Variants in KIR3DL2 observed in about 807,000 individuals in gnomAD.
KIR3DL2 encodes the protein killer cell immunoglobulin like receptor, three Ig domains and long cytoplasmic tail 2, also known as killer cell immunoglobulin-like receptor 3DL2.
In KIR3DL2, 42 loss-of-function variants were observed where a neutral mutation model predicts 41.6. The ratio of observed to expected loss-of-function variants is 1.01; its 90% CI spans 0.79 to 1.31. The LOEUF (loss-of-function observed/expected upper bound fraction) is 1.31. Among genes scored for constraint, KIR3DL2 ranks in the 50% most tolerant of loss-of-function variants. The pLI is 0.00. For synonymous variants in KIR3DL2, 230 were observed against 221.3 expected, an observed-to-expected ratio of 1.04 and a Z score of -0.35; for missense variants, 728 against 576.8, an observed-to-expected ratio of 1.26 and a Z score of -2.68.
In KIR3DL2 at chr19:54,866,420, C is replaced by G. The variant is rs973541788; in HGVS notation, c.1156C>G (p.Gln386Glu). The change falls in exon 8 of 9, where the codon CAG (glutamine) becomes GAG (glutamate). Residue 386 changes from glutamine (Q) to glutamate (E), a missense_variant and splice_region_variant. Gln to Glu is a conservative substitution (Grantham distance 29). Transcript: ENST00000326321. ...TGCGGGGGACAGAACAGTGAATAGG[C>G]AGGTAGGTCCTCCTCGGCCCAGCCT... ...EPAGDRTVNRQDSDEQDPQEV... is the reference protein window; with the variant it reads ...EPAGDRTVNREDSDEQDPQEV... The G allele has an allele frequency of 6.2e-7, 1 of 1,613,716 alleles. No homozygotes were observed. The highest frequency in any genetic ancestry group is 2.2e-5 in the East Asian group (1 of 44,878).
chr19:54,854,025 C>G lies in KIR3DL2; in HGVS notation c.634C>G (p.Pro212Ala). ...CTATCAGTTGTCAGCTCCCAGTGAC[C>G]CCCTGGACATCGTGATCACAGGTGA... ...SPYQLSAPSD[P>A]LDIVITGLYE... Residue 212 changes from proline (P) to alanine (A), a missense_variant, in exon 4 of 9, where the codon CCC (proline) becomes GCC (alanine). Transcript: ENST00000326321. 1.9e-6 allele frequency: 3 copies of G among 1,613,030 alleles called. No homozygotes were observed. The East Asian group carries it at 6.7e-5, about 36-fold the overall frequency.
intron 4 of KIR3DL2, among the ~76,000 whole-genome samples, chr19:54,854,428 C>A (rs1297951045): frequency 6.6e-6 from 1 of 151,880 alleles, no homozygotes; most frequent in East Asian, 1.9e-4. Context: ...CCAAGGACAC[C>A]CATATTTCTG....
intron 6 of KIR3DL2, among the ~76,000 whole-genome samples, chr19:54,863,895 C>T (rs1460220593): frequency 9.9e-5 from 15 of 152,062 alleles, no homozygotes; most frequent in Non-Finnish European, 1.6e-4. Flanking sequence ...CTTTTGTTGC[C>T]GTTGCTTTTG....
Position 54,851,246 on chromosome 19 carries a change from C to CT in KIR3DL2, c.61_62insT (p.Pro21LeufsTer36). On this transcript the variant is annotated frameshift_variant, in exon 2 of 9. Transcript: ENST00000326321. LOFTEE classifies it high-confidence loss of function. Reference sequence around the variant, plus strand: ...GTTCTTCTTGCTGCAGGGGGCCTGGCCACTCATGGGTGAGTCCGTCCCCAA... The same window carrying CT: ...GTTCTTCTTGCTGCAGGGGGCCTGGCTCACTCATGGGTGAGTCCGTCCCCAA... The CT allele has an allele frequency of 6.2e-7, 1 of 1,609,168 alleles. No homozygotes were observed. The highest frequency in any genetic ancestry group is 1.1e-5 in the South Asian group (1 of 91,006).
chr19:54,866,553 C>T lies in KIR3DL2; in HGVS notation c.1190C>T (p.Thr397Met), dbSNP rs3745902. Residue 397 changes from threonine (T) to methionine (M), a missense_variant, in exon 9 of 9, where the codon ACG (threonine) becomes ATG (methionine). Physicochemically the swap from Thr to Met is moderately conservative, Grantham distance 81 (BLOSUM62 -1). Transcript: ENST00000326321. The part of the protein sequence containing the change: ...DSDEQDPQEV[T>M]YAQLDHCVFI... ...GATGAACAAGACCCTCAGGAGGTGA[C>T]GTACGCACAGTTGGATCACTGCGTT... 487,599 of 1,613,670 alleles carry T rather than the reference C, an allele frequency of 0.3. 77,085 individuals are homozygous for T. Among genetic ancestry groups the T allele is most frequent in the South Asian group, 0.38 (34,969 of 91,068 alleles).
At chr19:54,862,913 G>C (rs2065278032) in intron 6 of KIR3DL2, among the ~76,000 whole-genome samples, 2 of 138,886 alleles carry the variant, frequency 1.4e-5, no homozygotes, top group South Asian at 4.7e-4. Context: ...GTGCAGGTTA[G>C]TTACATATGT....
At position 54,855,577 on chromosome 19, in the gene KIR3DL2, A is replaced by G. The variant is rs1477127069; in HGVS notation, c.656-42A>G. 28 of 1,600,584 alleles carry G rather than the reference A, an allele frequency of 1.7e-5. 1 individual carries two copies. The highest frequency in any genetic ancestry group is 5.4e-5 in the African/African-American group (4 of 73,402). On this transcript the variant is annotated intron_variant, in intron 4 of 8. Transcript: ENST00000326321. ...GCTCAGGTATGAGGGGAGCTGTGAC[A>G]AGGAAGAACCTCCCTGAGGAAACTG... is the stretch of plus-strand genomic sequence containing the variant.
At chr19:54,854,744 C>T (rs1224046169) in intron 4 of KIR3DL2, among the ~76,000 whole-genome samples, 1 of 151,600 alleles carries the variant, frequency 6.6e-6, no homozygotes, top group African/African-American at 2.4e-5. Flanking sequence ...CTCACAGACA[C>T]ACAAAAAGAA....
rs1404288754 is a variant in KIR3DL2, at chr19:54,854,263, A to G, written c.655+217A>G. ...GACAGACACAGGGGCCATACGGGGA[A>G]GTAGAAAAGAGAGAAAGAGGTAAAG... On this transcript the variant is annotated intron_variant, in intron 4 of 8. Transcript: ENST00000326321. 5.9e-5 allele frequency among the ~76,000 whole-genome samples: 9 copies of G among 151,730 alleles called. No homozygotes were observed. The South Asian group carries it at 1.9e-3, about 31-fold the overall frequency.
chr19:54,852,168 A>T lies in KIR3DL2; in HGVS notation c.241A>T (p.Ile81Phe). Residue 81 changes from isoleucine (I) to phenylalanine (F), a missense_variant, in exon 3 of 9, where the codon ATC (isoleucine) becomes TTC (phenylalanine). Coordinates refer to ENST00000326321, the MANE Select transcript of KIR3DL2 (RefSeq NM_006737.4). ...FHGRIFQESF[I>F]MGPVTPAHAG... Reference sequence around the variant, plus strand: ...CGGCAGAATATTCCAGGAGAGCTTCATCATGGGCCCTGTGACCCCAGCACA... The same window carrying T: ...CGGCAGAATATTCCAGGAGAGCTTCTTCATGGGCCCTGTGACCCCAGCACA... 4 of 1,612,890 alleles carry T rather than the reference A, an allele frequency of 2.5e-6. No homozygotes were observed. The highest frequency in any genetic ancestry group is 2.2e-5 in the South Asian group (2 of 91,068).
intron 6 of KIR3DL2, among the ~76,000 whole-genome samples, chr19:54,865,537 A>G (rs2065443867): frequency 6.6e-6 from 1 of 152,172 alleles, no homozygotes. Context: ...ATAGGCCCAA[A>G]CTTCCACACT....
chr19:54,862,584 A>G (rs1234373552), intron 6 of KIR3DL2, among the ~76,000 whole-genome samples: 2 of 152,004 alleles, frequency 1.3e-5, no homozygotes, highest in Non-Finnish European at 2.9e-5. Context: ...GAGTCACCTC[A>G]TTTGCAGTGT....
In KIR3DL2 at chr19:54,851,583, G is replaced by A. The variant is rs996278175; in HGVS notation, c.70+328G>A. Among the ~76,000 whole-genome samples, 325 of 151,428 alleles carry A rather than the reference G, an allele frequency of 2.1e-3. 4 individuals carry two copies. The highest frequency in any genetic ancestry group is 5.9e-4 in the Non-Finnish European group (40 of 67,922). On this transcript the variant is annotated intron_variant, in intron 2 of 8. Transcript: ENST00000326321. ...ATAACTGACACCCTCCAGCGTTTCC[G>A]TGACGGTAGGGGCTGCAGTGTGGCT...
chr19:54,851,238 G>A lies in KIR3DL2; in HGVS notation c.53G>A (p.Gly18Glu), dbSNP rs533558523. 1.9e-6 allele frequency: 3 copies of A among 1,610,002 alleles called. No individual in the cohort carries two copies. The African/African-American group carries it at 4.1e-5, about 22-fold the overall frequency. Reference protein sequence around the residue: ...MACVGFFLLQGAWPLMGGQDK... With the variant: ...MACVGFFLLQEAWPLMGGQDK... ...TTTCCAGGGTTCTTCTTGCTGCAGG[G>A]GGCCTGGCCACTCATGGGTGAGTCC... Residue 18 changes from glycine to glutamate, a missense_variant, in exon 2 of 9, where the codon GGG becomes GAG. Transcript: ENST00000326321.
chr19:54,864,912 A>G (rs904568492), intron 6 of KIR3DL2, among the ~76,000 whole-genome samples: 61 of 151,994 alleles, frequency 4.0e-4, no homozygotes, highest in Non-Finnish European at 7.4e-4. Context: ...GGAGTGGTGA[A>G]AGAGGGCATC....
intron 4 of KIR3DL2, 143 bp downstream of exon 4, chr19:54,854,189 G>A (rs2145596276): frequency 9.4e-7 from 1 of 1,064,080 alleles, no homozygotes; most frequent in Non-Finnish European, 1.4e-6. Flanking sequence ...TGTACCAACA[G>A]AGACAGGGAA....
Position 54,866,546 on chromosome 19 carries a change from G to A in KIR3DL2, c.1183G>A (p.Glu395Lys). 1 of 1,614,038 alleles carries A rather than the reference G, an allele frequency of 6.2e-7. No individual in the cohort carries two copies. The stretch of plus-strand genomic sequence containing the variant: ...GGACTCTGATGAACAAGACCCTCAG[G>A]AGGTGACGTACGCACAGTTGGATCA... The part of the protein sequence containing the change: ...RQDSDEQDPQ[E>K]VTYAQLDHCV... Residue 395 changes from glutamate to lysine, a missense_variant, in exon 9 of 9, where the codon GAG (glutamate) becomes AAG (lysine). By Grantham distance (56) the Glu-to-Lys change is moderately conservative. Transcript: ENST00000326321.
chr19:54,863,158 A>G (rs1246384926), intron 6 of KIR3DL2, among the ~76,000 whole-genome samples: 2 of 151,284 alleles, frequency 1.3e-5, no homozygotes, highest in African/African-American at 2.4e-5. Context: ...TTCCAATTTC[A>G]TCCATGTCCC....
intron 5 of KIR3DL2, among the ~76,000 whole-genome samples, chr19:54,858,623 G>A (rs1157344233): frequency 3.3e-5 from 5 of 151,336 alleles, no homozygotes; most frequent in Non-Finnish European, 5.9e-5. Context: ...CACTACTCAG[G>A]AGTTTGAAGC....
Sources: gnomAD v4.1 joint callset for allele counts (sites outside exome capture counted in the v4.1 genomes callset) on GRCh38, gnomAD v4.1.1 for gene constraint, MANE v1.5 for transcripts, NCBI Gene and HGNC (gene_info 2026-07-23, HGNC 2026-07-21) for gene names.